CYP39A1: variants seen among roughly 807,000 people sequenced by gnomAD.
The protein encoded by CYP39A1 is cytochrome P450 family 39 subfamily A member 1, also known as 24-hydroxycholesterol 7-alpha-hydroxylase.
In CYP39A1, 49 loss-of-function variants were observed where a neutral mutation model predicts 58.1. The ratio of observed to expected loss-of-function variants is 0.84; its 90% CI spans 0.67 to 1.07. The LOEUF is 1.07. Among genes scored for constraint, CYP39A1 ranks in the 50% least tolerant of loss-of-function variants. The probability of loss-of-function intolerance (pLI) is 0.00; values close to 1 mark genes in which losing one functional copy is unlikely to be tolerated. For synonymous variants in CYP39A1, 209 were observed against 187.6 expected (o/e 1.11, Z -0.93); for missense variants, 531 against 539.4 (o/e 0.98, Z 0.16).
chr6:46,572,866 T>C (rs1771663317), intron 10 of CYP39A1, among the ~76,000 whole-genome samples: 1 of 152,036 alleles, frequency 6.6e-6, no homozygotes, highest in Non-Finnish European at 1.5e-5. Flanking sequence ...TTTTTTCTCC[T>C]TAGTCTGGAT....
In CYP39A1 at chr6:46,587,068, C is replaced by T; in HGVS notation, c.1250+9G>A. 1 of 1,604,504 alleles carries T rather than the reference C, an allele frequency of 6.2e-7. No homozygotes were observed. ...TTCTGGATAAATGTGGCCCAGCTGT[C>T]TCACTGACCTTGCAGGACACTGGAA... is the stretch of plus-strand genomic sequence containing the variant. On this transcript the variant is annotated intron_variant, in intron 10 of 11. Coordinates refer to ENST00000275016, the MANE Select transcript of CYP39A1 (RefSeq NM_016593.5).
chr6:46,600,631 TA>T (rs1472466704), intron 7 of CYP39A1, among the ~76,000 whole-genome samples: 1 of 152,060 alleles, frequency 6.6e-6, no homozygotes, highest in Non-Finnish European at 1.5e-5. Context: ...GTAACTTCCA[TA>T]AAATCCCTCA....
intron 7 of CYP39A1, among the ~76,000 whole-genome samples, chr6:46,603,804 G>A (rs1162492877): frequency 6.6e-6 from 1 of 152,182 alleles, no homozygotes; most frequent in Admixed American, 6.5e-5. Flanking sequence ...GCCTTATATA[G>A]AAAAAGTTTG....
intron 7 of CYP39A1, among the ~76,000 whole-genome samples, chr6:46,597,488 A>G (rs574069819): frequency 1.3e-5 from 2 of 152,284 alleles, no homozygotes; most frequent in South Asian, 4.1e-4. Context: ...TTTTATGAAT[A>G]TATTTCTCTA....
intron 1 of CYP39A1, 23 bp from the exon 2 acceptor site, chr6:46,642,321 T>C (rs1776390817): frequency 6.2e-7 from 1 of 1,602,294 alleles, no homozygotes; most frequent in South Asian, 1.1e-5. Flanking sequence ...AAACATAGAT[T>C]ATATTAGTAA....
At chr6:46,573,789 T>G (rs1290967220) in intron 10 of CYP39A1, among the ~76,000 whole-genome samples, 3 of 152,158 alleles carry the variant, frequency 2.0e-5, no homozygotes, top group African/African-American at 7.2e-5. Context: ...GAGACAGGCA[T>G]TTGACAGTCT....
intron 8 of CYP39A1, among the ~76,000 whole-genome samples, chr6:46,590,006 G>C (rs577107972): frequency 1.3e-5 from 2 of 152,282 alleles, no homozygotes; most frequent in South Asian, 4.1e-4. Flanking sequence ...CAAGAAAGAG[G>C]TGCCTGTTGC....
intron 7 of CYP39A1, among the ~76,000 whole-genome samples, chr6:46,600,403 G>C (rs1038995279): frequency 2.0e-5 from 3 of 152,004 alleles, no homozygotes; most frequent in Non-Finnish European, 4.4e-5. Context: ...TTACAGGTGT[G>C]AGCCACCCTG....
rs751866315 is a variant in CYP39A1 at position 46,631,003 on chromosome 6, C to G, written c.800G>C (p.Gly267Ala). The change falls in exon 6 of 12, where the codon GGG becomes GCG. Residue 267 changes from glycine to alanine, a missense_variant. Coordinates refer to ENST00000275016, the MANE Select transcript of CYP39A1 (RefSeq NM_016593.5). ...ETSKENSPNY[G>A]LLLLWASLSN... is the part of the protein sequence containing the mutation. ...CAGAGAAGCCCAAAGCAGTAAGAGC[C>G]CATAATTGGGTGAGTTTTCCTTACT... The G allele has an allele frequency of 6.2e-7, 1 of 1,613,948 alleles. No individual in the cohort carries two copies. The highest frequency in any genetic ancestry group is 8.5e-7 in the Non-Finnish European group (1 of 1,179,982).
intron 7 of CYP39A1, among the ~76,000 whole-genome samples, chr6:46,596,656 C>A (rs1394574273): frequency 6.6e-6 from 1 of 151,818 alleles, no homozygotes; most frequent in Non-Finnish European, 1.5e-5. Flanking sequence ...AATGAAGATG[C>A]CCTCTAAACA....
intron 10 of CYP39A1, among the ~76,000 whole-genome samples, chr6:46,559,705 A>C (rs1007520306): frequency 1.3e-5 from 2 of 152,214 alleles, no homozygotes; most frequent in African/African-American, 4.8e-5. Flanking sequence ...CAAAGACTGC[A>C]GAACACCAAG....
chr6:46,646,216 TTA>T (rs1219541377), intron 1 of CYP39A1, among the ~76,000 whole-genome samples: 1 of 152,076 alleles, frequency 6.6e-6, no homozygotes, highest in Non-Finnish European at 1.5e-5. Flanking sequence ...GGGGAAGTAT[TTA>T]GTCTTTCATC....
At chr6:46,604,526 G>A (rs564694247) in intron 7 of CYP39A1, among the ~76,000 whole-genome samples, 97 of 152,298 alleles carry the variant, frequency 6.4e-4, no homozygotes, top group Middle Eastern at 3.4e-3. Context: ...ACTAGTCCTT[G>A]CTTACAAACC....
At chr6:46,625,362 A>G (rs1488810823) in intron 7 of CYP39A1, 56 bp downstream of exon 7, 1 of 1,238,562 alleles carries the variant, frequency 8.1e-7, no homozygotes, top group Non-Finnish European at 1.1e-6. Context: ...TTTGCCAATA[A>G]TGTGTGACAA....
intron 10 of CYP39A1, among the ~76,000 whole-genome samples, chr6:46,566,990 G>GT: frequency 6.6e-6 from 1 of 152,020 alleles, no homozygotes; most frequent in Admixed American, 6.5e-5. Context: ...TTTGGGAGAA[G>GT]TGGGGGGGTG....
intron 1 of CYP39A1, among the ~76,000 whole-genome samples, chr6:46,651,234 A>C (rs1762666764): frequency 6.6e-6 from 1 of 152,260 alleles, no homozygotes; most frequent in Non-Finnish European, 1.5e-5. Context: ...ATACATGCAC[A>C]CAAACACGCA....
At chr6:46,634,501 A>G (rs939711166) in intron 5 of CYP39A1, among the ~76,000 whole-genome samples, 5 of 145,774 alleles carry the variant, frequency 3.4e-5, no homozygotes, top group African/African-American at 1.3e-4. Flanking sequence ...TTGGTAGGGA[A>G]TTTTACTTTT....
chr6:46,643,071 C>T (rs539900519), intron 1 of CYP39A1, among the ~76,000 whole-genome samples: 57 of 152,238 alleles, frequency 3.7e-4, no homozygotes, highest in African/African-American at 1.3e-3. Flanking sequence ...CATTAATTTT[C>T]CCCTCTTTAT....
At chr6:46,631,886 G>A (rs534664660) in intron 5 of CYP39A1, among the ~76,000 whole-genome samples, 8 of 152,196 alleles carry the variant, frequency 5.3e-5, no homozygotes, top group African/African-American at 9.6e-5. Flanking sequence ...TGCCAGTGAC[G>A]GCTCTCCATC....
Sources: allele counts gnomAD v4.1 joint callset (sites outside exome capture counted in the v4.1 genomes callset), GRCh38; gene constraint gnomAD v4.1.1; transcripts MANE v1.5; gene names NCBI Gene and HGNC (gene_info 2026-07-23, HGNC 2026-07-21).